Variants in GALNT13 observed in about 807,000 individuals in gnomAD.
The protein encoded by GALNT13 is UDP-GalNAc:polypeptide N-acetylgalactosaminyltransferase 13.
A neutral mutation model predicts 64.2 loss-of-function variants in GALNT13; 28 were observed. The observed-to-expected ratio is 0.44, with a 90% CI of 0.32 to 0.60. GALNT13 has a LOEUF of 0.60. Ranked by LOEUF, GALNT13 falls within the 20% of genes least tolerant of loss-of-function variation. The probability of loss-of-function intolerance (pLI) is 0.05; values close to 1 mark genes in which losing one functional copy is unlikely to be tolerated. For missense variants in GALNT13, 577 were observed against 669.8 expected (o/e 0.86, Z 1.53); for synonymous variants, 214 against 224.6 (o/e 0.95, Z 0.42).
At chr2:154,279,987 T>C (rs1306551424) in intron 8 of GALNT13, among the ~76,000 whole-genome samples, 1 of 152,188 alleles carries the variant, frequency 6.6e-6, no homozygotes, top group African/African-American at 2.4e-5. Flanking sequence ...ACTCATATTT[T>C]CCATTGACAG....
At chr2:153,527,998 C>T in the GALNT13 span, among the ~76,000 whole-genome samples, 10 of 151,578 alleles carry the variant, frequency 6.6e-5, no homozygotes, top group East Asian at 1.9e-4. Context: ...AATGGGAATA[C>T]GAGAAGGAAA....
At chr2:154,321,530 T>C (rs1694624732) in intron 9 of GALNT13, among the ~76,000 whole-genome samples, 1 of 152,158 alleles carries the variant, frequency 6.6e-6, no homozygotes, top group Non-Finnish European at 1.5e-5. Context: ...AATAAAGTCA[T>C]AATTCAATAC....
chr2:153,636,576 T>C, the GALNT13 span, among the ~76,000 whole-genome samples: 5 of 152,160 alleles, frequency 3.3e-5, no homozygotes, highest in East Asian at 7.7e-4. Context: ...TAAAATAGGA[T>C]ATTTCTGGTT....
At chr2:153,619,712 T>C in the GALNT13 span, among the ~76,000 whole-genome samples, 1 of 152,168 alleles carries the variant, frequency 6.6e-6, no homozygotes, top group Non-Finnish European at 1.5e-5. Flanking sequence ...TTTCACCAGA[T>C]ATACTATTGT....
the GALNT13 span, among the ~76,000 whole-genome samples, chr2:153,335,146 T>G: frequency 6.6e-6 from 1 of 152,214 alleles, no homozygotes; most frequent in African/African-American, 2.4e-5. Flanking sequence ...CACATGGAAC[T>G]GTAAGTCCAA....
chr2:153,265,977 AT>A, the GALNT13 span, among the ~76,000 whole-genome samples: 11 of 152,040 alleles, frequency 7.2e-5, no homozygotes, highest in African/African-American at 2.4e-4. Flanking sequence ...GTCGTTAACA[AT>A]TTTTTTTCAA....
At chr2:154,310,034 C>T (rs906786553) in intron 9 of GALNT13, among the ~76,000 whole-genome samples, 1 of 152,144 alleles carries the variant, frequency 6.6e-6, no homozygotes, top group African/African-American at 2.4e-5. Flanking sequence ...TAACATGCTC[C>T]CTTTTACCTT....
intron 11 of GALNT13, among the ~76,000 whole-genome samples, chr2:154,417,521 A>ATTTTTTTTTTTT (rs1238225224): frequency 7.9e-5 from 11 of 139,130 alleles, no homozygotes; most frequent in South Asian, 2.2e-4. Context: ...TTATTTATTT[A>ATTTTTTTTTTTT]TTTTTTTGAG....
chr2:153,161,506 G>C, the GALNT13 span, among the ~76,000 whole-genome samples: 1 of 152,036 alleles, frequency 6.6e-6, no homozygotes, highest in Non-Finnish European at 1.5e-5. Context: ...GGATCAGGAG[G>C]GATGAGGGAG....
chr2:154,059,010 G>T (rs1260301188), intron 3 of GALNT13, among the ~76,000 whole-genome samples: 1 of 152,184 alleles, frequency 6.6e-6, no homozygotes, highest in African/African-American at 2.4e-5. Context: ...GAACAGTAGA[G>T]GTGATTAGTG....
At chr2:154,371,938 G>A (rs945569615) in intron 9 of GALNT13, among the ~76,000 whole-genome samples, 25 of 151,918 alleles carry the variant, frequency 1.6e-4, no homozygotes, top group Non-Finnish European at 2.9e-5. Context: ...CAAAGTTTAA[G>A]TACACAAGTT....
At chr2:153,615,335 T>C in the GALNT13 span, among the ~76,000 whole-genome samples, 7 of 152,092 alleles carry the variant, frequency 4.6e-5, no homozygotes, top group Non-Finnish European at 7.4e-5. Context: ...GCAACAAACA[T>C]GGGAGTGCAG....
the GALNT13 span, among the ~76,000 whole-genome samples, chr2:153,845,628 G>A: frequency 6.6e-6 from 1 of 152,128 alleles, no homozygotes; most frequent in Non-Finnish European, 1.5e-5. Flanking sequence ...CAAGAGACAT[G>A]ATGAAAGATA....
At chr2:154,273,251 C>G (rs1372995002) in intron 8 of GALNT13, among the ~76,000 whole-genome samples, 1 of 151,992 alleles carries the variant, frequency 6.6e-6, no homozygotes, top group East Asian at 1.9e-4. Flanking sequence ...AGAAACCCTC[C>G]CAGGGGACAT....
At chr2:154,063,204 G>A (rs557656576) in intron 3 of GALNT13, among the ~76,000 whole-genome samples, 1 of 152,134 alleles carries the variant, frequency 6.6e-6, no homozygotes, top group African/African-American at 2.4e-5. Context: ...AGGAAGCAGT[G>A]GTCTTAGAAG....
intron 8 of GALNT13, among the ~76,000 whole-genome samples, chr2:154,270,314 T>C (rs1691285803): frequency 6.6e-6 from 1 of 151,948 alleles, no homozygotes; most frequent in South Asian, 2.1e-4. Context: ...GCTTATAGTT[T>C]TAGAAACATA....
chr2:153,327,295 C>T, the GALNT13 span, among the ~76,000 whole-genome samples: 91 of 152,112 alleles, frequency 6.0e-4, no homozygotes, highest in East Asian at 5.7e-3. Context: ...TTGCTCTTCT[C>T]AAGGAGTATC....
chr2:154,045,591 G>A (rs938178004), intron 3 of GALNT13, among the ~76,000 whole-genome samples: 2 of 152,158 alleles, frequency 1.3e-5, no homozygotes, highest in Non-Finnish European at 1.5e-5. Context: ...CTGGACGCAA[G>A]TGTTTTTGCT....
the GALNT13 span, among the ~76,000 whole-genome samples, chr2:153,411,095 A>G: frequency 6.6e-6 from 1 of 151,362 alleles, no homozygotes; most frequent in East Asian, 1.9e-4. Flanking sequence ...AGCTCAAGCC[A>G]TTTGCCCACT....
Sources: gnomAD v4.1 joint callset for allele counts (sites outside exome capture counted in the v4.1 genomes callset) on GRCh38, gnomAD v4.1.1 for gene constraint, MANE v1.5 for transcripts, NCBI Gene and HGNC (gene_info 2026-07-23, HGNC 2026-07-21) for gene names.